Variants in CDH8 observed in about 807,000 individuals in gnomAD.
CDH8 encodes cadherin 8.
In CDH8, 17 loss-of-function variants were observed where a neutral mutation model predicts 68.1. The observed-to-expected ratio is 0.25, with a 90% CI of 0.17 to 0.37. The LOEUF (loss-of-function observed/expected upper bound fraction) is 0.37. Ranked by LOEUF, CDH8 falls within the 10% of genes least tolerant of loss-of-function variation. The pLI is 1.00. For missense variants in CDH8, 763 were observed against 999.3 expected (o/e 0.76, Z 3.19); for synonymous variants, 372 against 365.1 (o/e 1.02, Z -0.21).
chr16:61,709,573 T>C (rs1964590916), intron 10 of CDH8, among the ~76,000 whole-genome samples: 1 of 152,122 alleles, frequency 6.6e-6, no homozygotes, highest in Non-Finnish European at 1.5e-5. Context: ...GCTATGTAAA[T>C]GGTTCCCACA....
At chr16:61,693,369 A>T (rs990471407) in intron 10 of CDH8, 3 of 152,056 alleles carry the variant, frequency 2.0e-5, no homozygotes, top group Non-Finnish European at 2.9e-5. Flanking sequence ...TGTTTATTGG[A>T]TGCCTTCTCC....
At chr16:61,983,710 A>G (rs1224438267) in intron 2 of CDH8, among the ~76,000 whole-genome samples, 2 of 152,118 alleles carry the variant, frequency 1.3e-5, no homozygotes, top group East Asian at 1.9e-4. Flanking sequence ...ATAACAAAAT[A>G]CCATAGAAAG....
At chr16:61,872,065 A>T (rs1363474647) in intron 3 of CDH8, among the ~76,000 whole-genome samples, 2 of 152,102 alleles carry the variant, frequency 1.3e-5, no homozygotes, top group East Asian at 1.9e-4. Context: ...CTCAATGGAA[A>T]CCAACTTGGA....
chr16:61,750,472 A>G (rs969069189), intron 8 of CDH8, among the ~76,000 whole-genome samples: 3 of 152,142 alleles, frequency 2.0e-5, no homozygotes, highest in African/African-American at 7.2e-5. Flanking sequence ...GTTGTATCTC[A>G]GGGTTGACTC....
intron 3 of CDH8, among the ~76,000 whole-genome samples, chr16:61,878,410 A>G (rs533259405): frequency 4.2e-4 from 64 of 152,330 alleles, no homozygotes; most frequent in African/African-American, 1.5e-3. Flanking sequence ...GAGCTATAGC[A>G]CCATGATTTT....
Position 61,930,040 on chromosome 16 carries a change from AT to A in CDH8, c.253-28568del, listed in dbSNP as rs370148043. Among the ~76,000 whole-genome samples the A allele has an allele frequency of 1.8e-4, 28 of 152,310 alleles. No homozygotes were observed. The East Asian group carries it at 2.9e-3, about 16-fold the overall frequency. ...TCTATGACTCTGTTCCATAACAAATATATGTAAGAGATGGCATTTAAACAGA... is the reference window on the plus strand; with the variant it reads ...TCTATGACTCTGTTCCATAACAAATAATGTAAGAGATGGCATTTAAACAGA... On this transcript the variant is annotated intron_variant, in intron 2 of 11. Coordinates refer to ENST00000577390, the MANE Select transcript of CDH8 (RefSeq NM_001796.5).
chr16:61,771,716 C>T (rs557169153), intron 8 of CDH8, among the ~76,000 whole-genome samples: 58 of 152,012 alleles, frequency 3.8e-4, no homozygotes, highest in African/African-American at 1.4e-3. Flanking sequence ...CACACACCCA[C>T]ACATACATAT....
intron 2 of CDH8, among the ~76,000 whole-genome samples, chr16:61,986,752 T>A (rs1009854215): frequency 1.3e-5 from 2 of 152,172 alleles, no homozygotes; most frequent in Middle Eastern, 3.2e-3. Flanking sequence ...ATGGAGTCTG[T>A]GAGACACTGG....
At chr16:61,980,147 C>T (rs369797617) in intron 2 of CDH8, among the ~76,000 whole-genome samples, 48 of 152,258 alleles carry the variant, frequency 3.2e-4, no homozygotes, top group African/African-American at 7.2e-4. Flanking sequence ...TATTTGGAAG[C>T]GCTCAGCACA....
intron 2 of CDH8, among the ~76,000 whole-genome samples, chr16:62,014,462 T>C (rs906846428): frequency 6.6e-6 from 1 of 152,154 alleles, no homozygotes; most frequent in Admixed American, 6.5e-5. Context: ...TTCATGGAAC[T>C]GACAGTGAAT....
At chr16:61,981,827 GA>G (rs1965537321) in intron 2 of CDH8, among the ~76,000 whole-genome samples, 1 of 152,150 alleles carries the variant, frequency 6.6e-6, no homozygotes, top group South Asian at 2.1e-4. Flanking sequence ...TTTGCAACCA[GA>G]AAATAAATGG....
At chr16:61,837,595 A>G (rs1962594488) in intron 4 of CDH8, among the ~76,000 whole-genome samples, 1 of 152,074 alleles carries the variant, frequency 6.6e-6, no homozygotes, top group Non-Finnish European at 1.5e-5. Flanking sequence ...GCAGGGCACT[A>G]TATTGCAAGT....
At chr16:61,886,787 T>C (rs1963681356) in intron 3 of CDH8, among the ~76,000 whole-genome samples, 1 of 152,230 alleles carries the variant, frequency 6.6e-6, no homozygotes, top group Admixed American at 6.5e-5. Context: ...AAAGGTACTG[T>C]TTCCACATCC....
chr16:61,848,815 T>C (rs1314721742), intron 4 of CDH8, among the ~76,000 whole-genome samples: 4 of 152,104 alleles, frequency 2.6e-5, no homozygotes, highest in African/African-American at 9.7e-5. Context: ...TAAAGTTAGG[T>C]ACAAGTAAAA....
chr16:61,653,064 G>T lies in CDH8; in HGVS notation c.*544C>A, dbSNP rs2142733695. 1 of 1,368,982 alleles carries T rather than the reference G, an allele frequency of 7.3e-7. No homozygotes were observed. The highest frequency in any genetic ancestry group is 1.5e-5 in the African/African-American group (1 of 67,850). The allele number at this position is 1,368,982 out of a possible 1,614,324, so 84.8% of individuals were successfully genotyped here. ...TGGGGCCAACAATTATGTACAATGT[G>T]TGGTCACCGTACTGTATAATCTAGG... On this transcript the variant is annotated 3_prime_UTR_variant, in exon 12 of 12. Coordinates refer to ENST00000577390, the MANE Select transcript of CDH8 (RefSeq NM_001796.5).
intron 10 of CDH8, among the ~76,000 whole-genome samples, chr16:61,706,812 T>A (rs1596884932): frequency 6.6e-6 from 1 of 152,250 alleles, no homozygotes; most frequent in Non-Finnish European, 1.5e-5. Context: ...AAGACTTTCA[T>A]AAGCTATGTA....
chr16:61,665,222 T>C (rs79677640), intron 10 of CDH8, among the ~76,000 whole-genome samples: 5 of 152,044 alleles, frequency 3.3e-5, no homozygotes, highest in East Asian at 1.9e-4. Context: ...CTCAGCCACA[T>C]ACAAGCAAAG....
rs1329845534 is a variant in CDH8 at position 61,872,153 on chromosome 16, C to T, written c.548-14915G>A. Among the ~76,000 whole-genome samples, 3 of 152,168 alleles carry T rather than the reference C, an allele frequency of 2.0e-5. No individual in the cohort carries two copies. The East Asian group carries it at 5.8e-4, about 29-fold the overall frequency. ...AGCTAATTGTGAGTTAGGACAGAGG[C>T]AAAGATGTTTACATCCTTCTAAAAG... On this transcript the variant is annotated intron_variant, in intron 3 of 11. Coordinates refer to ENST00000577390, the MANE Select transcript of CDH8 (RefSeq NM_001796.5).
chr16:61,938,037 T>TG (rs1964654046), intron 2 of CDH8: 1 of 152,138 alleles, frequency 6.6e-6, no homozygotes, highest in African/African-American at 2.4e-5. Context: ...AAGAGACAAA[T>TG]GGTATAATTC....
Sources: gnomAD v4.1 joint callset for allele counts (sites outside exome capture counted in the v4.1 genomes callset) on GRCh38, gnomAD v4.1.1 for gene constraint, MANE v1.5 for transcripts, NCBI Gene and HGNC (gene_info 2026-07-23, HGNC 2026-07-21) for gene names.